The following EFNA5 variants were observed in gnomAD, a reference collection of about 807,000 sequenced individuals.
EFNA5 encodes the protein ephrin A5.
A neutral mutation model predicts 22.9 loss-of-function variants in EFNA5; 5 were observed. That is an observed-to-expected ratio of 0.22 (90% CI 0.11 to 0.46). The LOEUF is 0.46. Ranked by LOEUF, EFNA5 falls within the 20% of genes least tolerant of loss-of-function variation. The pLI is 0.99. For missense variants in EFNA5, 237 were observed against 293.3 expected, an observed-to-expected ratio of 0.81 and a Z score of 1.40; for synonymous variants, 113 against 112.2, an observed-to-expected ratio of 1.01 and a Z score of -0.04.
At chr5:107,516,715 A>G (rs1315910926) in intron 1 of EFNA5, among the ~76,000 whole-genome samples, 1 of 152,172 alleles carries the variant, frequency 6.6e-6, no homozygotes, top group African/African-American at 2.4e-5. Context: ...GTAAATCTAA[A>G]CCATGTGTGA....
At chr5:107,623,903 C>A (rs373319054) in intron 1 of EFNA5, among the ~76,000 whole-genome samples, 1 of 152,026 alleles carries the variant, frequency 6.6e-6, no homozygotes, top group South Asian at 2.1e-4. Context: ...TAAGTCACCT[C>A]CTCCCCAAAT....
chr5:107,495,178 C>A (rs755854758), intron 1 of EFNA5, among the ~76,000 whole-genome samples: 11 of 152,140 alleles, frequency 7.2e-5, no homozygotes, highest in Non-Finnish European at 1.3e-4. Context: ...TGCTATTGCT[C>A]ACTCTTTGGG....
At chr5:107,573,776 T>C (rs949497711) in intron 1 of EFNA5, among the ~76,000 whole-genome samples, 1 of 152,150 alleles carries the variant, frequency 6.6e-6, no homozygotes, top group African/African-American at 2.4e-5. Flanking sequence ...TTTTTATTTA[T>C]AAGAGGGGGA....
intron 1 of EFNA5, among the ~76,000 whole-genome samples, chr5:107,561,825 T>C (rs1398934998): frequency 1.3e-5 from 2 of 152,224 alleles, no homozygotes; most frequent in African/African-American, 2.4e-5. Flanking sequence ...ACATTTCTAG[T>C]TTATAATTTT....
intron 1 of EFNA5, among the ~76,000 whole-genome samples, chr5:107,474,761 C>T (rs1035587761): frequency 6.6e-6 from 1 of 152,044 alleles, no homozygotes; most frequent in Admixed American, 6.6e-5. Flanking sequence ...AAGAGGCCAC[C>T]ATGTTCCAGA....
chr5:107,385,400 A>G lies in EFNA5; in HGVS notation c.565+1835T>C, dbSNP rs1010663516. 3.4e-4 allele frequency among the ~76,000 whole-genome samples: 51 copies of G among 152,198 alleles called. 1 individual carries two copies. On this transcript the variant is annotated intron_variant, in intron 4 of 4. Transcript: ENST00000333274. ...GCAGTGGAGATTCCCTGGAAAAAAA[A>G]CCATGGGAAAGATATGCCTACATTC...
chr5:107,581,358 T>C (rs945811311), intron 1 of EFNA5, among the ~76,000 whole-genome samples: 3 of 152,242 alleles, frequency 2.0e-5, no homozygotes, highest in Non-Finnish European at 4.4e-5. Flanking sequence ...TTCATTATCA[T>C]GGTCCTTTAC....
intron 1 of EFNA5, among the ~76,000 whole-genome samples, chr5:107,476,438 C>T (rs1365743779): frequency 6.6e-6 from 1 of 152,074 alleles, no homozygotes; most frequent in Non-Finnish European, 1.5e-5. Flanking sequence ...ATTTTCAAAA[C>T]AAGAACCCAG....
chr5:107,511,860 G>C (rs986846753), intron 1 of EFNA5, among the ~76,000 whole-genome samples: 3 of 151,908 alleles, frequency 2.0e-5, no homozygotes, highest in African/African-American at 7.3e-5. Context: ...GACATGGTTT[G>C]TTCAAAGGGC....
intron 1 of EFNA5, among the ~76,000 whole-genome samples, chr5:107,514,190 T>C (rs1430832540): frequency 6.6e-6 from 1 of 152,162 alleles, no homozygotes; most frequent in Non-Finnish European, 1.5e-5. Context: ...TTATGAAGCA[T>C]CCCTGATCTT....
intron 1 of EFNA5, among the ~76,000 whole-genome samples, chr5:107,491,086 A>G (rs938018882): frequency 1.4e-4 from 22 of 152,326 alleles, no homozygotes; most frequent in Admixed American, 1.4e-3. Context: ...TAGAGAGCAC[A>G]TGTGTTATCA....
intron 1 of EFNA5, among the ~76,000 whole-genome samples, chr5:107,448,926 T>C (rs893444268): frequency 6.6e-6 from 1 of 151,968 alleles, no homozygotes; most frequent in Non-Finnish European, 1.5e-5. Flanking sequence ...TTTGCAGCTC[T>C]TACATATCAC....
chr5:107,605,681 G>A (rs1455750440), intron 1 of EFNA5, among the ~76,000 whole-genome samples: 1 of 151,396 alleles, frequency 6.6e-6, no homozygotes, highest in Admixed American at 6.6e-5. Context: ...TGATCCATAT[G>A]TATTTCAACA....
At chr5:107,570,526 A>T (rs1006994027) in intron 1 of EFNA5, among the ~76,000 whole-genome samples, 2 of 152,158 alleles carry the variant, frequency 1.3e-5, no homozygotes, top group African/African-American at 4.8e-5. Context: ...TTTTACTTGC[A>T]TGTGAGCAAT....
intron 1 of EFNA5, among the ~76,000 whole-genome samples, chr5:107,646,292 G>C (rs1750632802): frequency 6.6e-6 from 1 of 152,028 alleles, no homozygotes; most frequent in Admixed American, 6.6e-5. Flanking sequence ...ATTTCACTCT[G>C]TATATCAAAA....
intron 2 of EFNA5, among the ~76,000 whole-genome samples, chr5:107,404,972 T>C (rs539671308): frequency 2.6e-5 from 4 of 152,342 alleles, no homozygotes; most frequent in African/African-American, 9.6e-5. Context: ...TATATTACTG[T>C]AACTGTCGTA....
chr5:107,509,643 C>A (rs1747324397), intron 1 of EFNA5, among the ~76,000 whole-genome samples: 1 of 151,956 alleles, frequency 6.6e-6, no homozygotes, highest in Admixed American at 6.6e-5. Flanking sequence ...AGTGTCAACT[C>A]TTTTTACACC....
intron 1 of EFNA5, among the ~76,000 whole-genome samples, chr5:107,556,694 C>T (rs1177384352): frequency 1.3e-5 from 2 of 151,330 alleles, no homozygotes; most frequent in Admixed American, 6.6e-5. Flanking sequence ...TGCAGTGAGT[C>T]GAGATCGCAG....
chr5:107,639,385 T>C (rs868481093), intron 1 of EFNA5, among the ~76,000 whole-genome samples: 9 of 152,344 alleles, frequency 5.9e-5, no homozygotes, highest in African/African-American at 2.2e-4. Context: ...CGGTTCATAA[T>C]TCCAATTCTG....
Sources: allele counts gnomAD v4.1 joint callset (sites outside exome capture counted in the v4.1 genomes callset), GRCh38; gene constraint gnomAD v4.1.1; transcripts MANE v1.5; gene names NCBI Gene and HGNC (gene_info 2026-07-23, HGNC 2026-07-21).